Variants in PPIB observed in about 807,000 individuals in gnomAD.
PPIB encodes the protein peptidyl-prolyl cis-trans isomerase B.
Under a neutral mutation model 20.1 loss-of-function variants are expected in PPIB, and 15 were observed. That is an observed-to-expected ratio of 0.75 (90% CI 0.50 to 1.15). PPIB has a LOEUF of 1.15. Among genes scored for constraint, PPIB ranks in the 50% most tolerant of loss-of-function variants. The pLI, the probability that PPIB is intolerant of heterozygous loss-of-function variation, is 0.00. For missense variants in PPIB, 278 were observed against 283.0 expected, an observed-to-expected ratio of 0.98 and a Z score of 0.13; for synonymous variants, 129 against 111.0, an observed-to-expected ratio of 1.16 and a Z score of -1.02.
In PPIB at chr15:64,156,780, T is replaced by C; in HGVS notation, c.473A>G (p.Lys158Arg). ...NGSQFFITTV[K>R]TAWLDGKHVV... ...ATGCTTGCCATCTAGCCAGGCTGTC[T>C]TGACTGTCGTGATGAAGAACTGGGA... The change falls in exon 4 of 5, where the codon AAG becomes AGG. Residue 158 changes from lysine to arginine, a missense_variant. Physicochemically the swap from Lys to Arg is conservative, Grantham distance 26. Coordinates refer to ENST00000300026, the MANE Select transcript of PPIB (RefSeq NM_000942.5). The surrounding 1 kb of genome is among the most constrained non-coding windows in gnomAD (Gnocchi z 6.4). The C allele has an allele frequency of 6.2e-7, 1 of 1,614,218 alleles. No individual in the cohort carries two copies. Among genetic ancestry groups the C allele is most frequent in the Non-Finnish European group, 8.5e-7 (1 of 1,180,040 alleles).
At position 64,160,026 on chromosome 15, in the gene PPIB, G is replaced by A; in HGVS notation, c.343+78C>T. 2 of 1,259,628 alleles carry A rather than the reference G, an allele frequency of 1.6e-6. No homozygotes were observed. The highest frequency in any genetic ancestry group is 2.3e-6 in the Non-Finnish European group (2 of 858,330). 78.0% of individuals were successfully genotyped at this position (1,259,628 alleles called of 1,614,324 possible). On this transcript the variant is annotated intron_variant, in intron 3 of 4. Coordinates refer to ENST00000300026, the MANE Select transcript of PPIB (RefSeq NM_000942.5). The surrounding 1 kb of genome is among the most constrained non-coding windows in gnomAD (Gnocchi z 4.8). ...TAGAGCTGGGGAAGAAAGAGGCCTG[G>A]TCTCCCCAGCAGAACCTGGCCCTCC...
At position 64,156,188 on chromosome 15, in the gene PPIB, AG is replaced by A; in HGVS notation, c.529-44del. On this transcript the variant is annotated intron_variant, in intron 4 of 4. Transcript: ENST00000300026. This position sits in a 1 kb window ranked among gnomAD's most constrained non-coding sequence, Gnocchi z 6.4. ...AAGCAGGAGGGCATGGTGGATCAGG[AG>A]GTCCACCGCTCAGGAGAAAGGCCCC... 1 of 1,612,032 alleles carries A rather than the reference AG, an allele frequency of 6.2e-7. No homozygotes were observed. Among genetic ancestry groups the A allele is most frequent in the Non-Finnish European group, 8.5e-7 (1 of 1,179,034 alleles).
In PPIB at chr15:64,156,496, AGGCTCTGGCAGTTGTGCAGCCTTCCT is replaced by A. The variant is rs2081532699; in HGVS notation, c.528+203_528+228del. ...CGTCACTGAGTGAAGGAGGGGAGGG[AGGCTCTGGCAGTTGTGCAGCCTTCCT>A]GGCTGGGCTCTGAGGGGGCTGGAAG... is the stretch of plus-strand genomic sequence containing the variant. On this transcript the variant is annotated intron_variant, in intron 4 of 4. Transcript: ENST00000300026. The surrounding 1 kb of genome is among the most constrained non-coding windows in gnomAD (Gnocchi z 6.4). 3 of 639,860 alleles carry A rather than the reference AGGCTCTGGCAGTTGTGCAGCCTTCCT, an allele frequency of 4.7e-6. No individual in the cohort carries two copies. The Admixed American group carries it at 7.7e-5, about 16-fold the overall frequency. 39.6% of individuals were successfully genotyped at this position (639,860 alleles called of 1,614,324 possible).
Position 64,155,906 on chromosome 15 carries a change from T to C in PPIB, c.*117A>G. On this transcript the variant is annotated 3_prime_UTR_variant, in exon 5 of 5. Coordinates refer to ENST00000300026, the MANE Select transcript of PPIB (RefSeq NM_000942.5). ...AGTGAGTCCATGGGCCTGTGGAATGTGAGGGGAGTGGGTCCGCTCCACCAG... is the reference window on the plus strand; with the variant it reads ...AGTGAGTCCATGGGCCTGTGGAATGCGAGGGGAGTGGGTCCGCTCCACCAG... 1 of 1,491,908 alleles carries C rather than the reference T, an allele frequency of 6.7e-7. No homozygotes were observed. The highest frequency in any genetic ancestry group is 9.3e-7 in the Non-Finnish European group (1 of 1,078,478). The allele number at this position is 1,491,908 out of a possible 1,614,324, so 92.4% of individuals were successfully genotyped here. A position where few individuals can be genotyped will look rare whatever the true frequency, so the allele number is the denominator to read the frequency against.
chr15:64,158,774 T>G lies in PPIB; in HGVS notation c.343+1330A>C, dbSNP rs2081549095. On this transcript the variant is annotated intron_variant, in intron 3 of 4. Coordinates refer to ENST00000300026, the MANE Select transcript of PPIB (RefSeq NM_000942.5). This position sits in a 1 kb window ranked among gnomAD's most constrained non-coding sequence, Gnocchi z 4.7. Reference sequence around the variant, plus strand: ...CCTGCCTCTTTTCTGCCCGTTCAAATTCTCCTCATTGAGGACCCCACTGAA... The same window carrying G: ...CCTGCCTCTTTTCTGCCCGTTCAAAGTCTCCTCATTGAGGACCCCACTGAA... Among the ~76,000 whole-genome samples the G allele has an allele frequency of 6.6e-6, 1 of 152,242 alleles. No homozygotes were observed. Among genetic ancestry groups the G allele is most frequent in the African/African-American group, 2.4e-5 (1 of 41,464 alleles).
rs926838814 is a variant in PPIB, at chr15:64,161,320, C to A, written c.249+721G>T. Among the ~76,000 whole-genome samples the A allele has an allele frequency of 4.0e-5, 6 of 151,878 alleles. No homozygotes were observed. The highest frequency in any genetic ancestry group is 2.0e-4 in the Admixed American group (3 of 15,258). Reference sequence around the variant, plus strand: ...ACAGGGTCTCACTCTATTGCTCAGGCTGGAGTGCAGTGGCATGAACATGGC... The same window carrying A: ...ACAGGGTCTCACTCTATTGCTCAGGATGGAGTGCAGTGGCATGAACATGGC... On this transcript the variant is annotated intron_variant, in intron 2 of 4. Coordinates refer to ENST00000300026, the MANE Select transcript of PPIB (RefSeq NM_000942.5). The surrounding 1 kb of genome is among the most constrained non-coding windows in gnomAD (Gnocchi z 4.2).
rs1442457931 is a variant in PPIB, at chr15:64,156,986, G to A, written c.344-77C>T. The A allele has an allele frequency of 4.1e-6, 6 of 1,459,328 alleles. No individual in the cohort carries two copies. Among genetic ancestry groups the A allele is most frequent in the Non-Finnish European group, 2.8e-6 (3 of 1,052,774 alleles). 90.4% of individuals were successfully genotyped at this position (1,459,328 alleles called of 1,614,324 possible). A position where few individuals can be genotyped will look rare whatever the true frequency, so the allele number is the denominator to read the frequency against. On this transcript the variant is annotated intron_variant, in intron 3 of 4. Coordinates refer to ENST00000300026, the MANE Select transcript of PPIB (RefSeq NM_000942.5). The surrounding 1 kb of genome is among the most constrained non-coding windows in gnomAD (Gnocchi z 6.4). ...CAGACATTCGGGGCCAGGACTGAGG[G>A]GGCTTAACCTGTCCTCTGTGCCAGG...
At position 64,157,742 on chromosome 15, in the gene PPIB, G is replaced by A. The variant is rs1351712254; in HGVS notation, c.344-833C>T. Among the ~76,000 whole-genome samples the A allele has an allele frequency of 6.6e-6, 1 of 152,104 alleles. No homozygotes were observed. Among genetic ancestry groups the A allele is most frequent in the Non-Finnish European group, 1.5e-5 (1 of 68,020 alleles). On this transcript the variant is annotated intron_variant, in intron 3 of 4. Coordinates refer to ENST00000300026, the MANE Select transcript of PPIB (RefSeq NM_000942.5). This position sits in a 1 kb window ranked among gnomAD's most constrained non-coding sequence, Gnocchi z 4.2. ...GCAAAACTCTTTTTTCCTTCTCACTGCACCTACCTTCATCCTGTGGTTCCA... is the reference window on the plus strand; with the variant it reads ...GCAAAACTCTTTTTTCCTTCTCACTACACCTACCTTCATCCTGTGGTTCCA...
At position 64,161,947 on chromosome 15, in the gene PPIB, T is replaced by C; in HGVS notation, c.249+94A>G. ...AGTCGGTGCTCAGTGAGGTCCACGC[T>C]ACAGATCGGCTGAACTCTGCAGGTC... On this transcript the variant is annotated intron_variant, in intron 2 of 4. Transcript: ENST00000300026. The surrounding 1 kb of genome is among the most constrained non-coding windows in gnomAD (Gnocchi z 4.2). The C allele has an allele frequency of 2.2e-6, 2 of 905,366 alleles. No homozygotes were observed. The highest frequency in any genetic ancestry group is 3.7e-6 in the Non-Finnish European group (2 of 535,740). The allele number at this position is 905,366 out of a possible 1,614,324, so 56.1% of individuals were successfully genotyped here.
rs2081564048 is a variant in PPIB at position 64,161,622 on chromosome 15, G to A, written c.249+419C>T. ...TGCCTGTAATCCCAGCTACTCAGGAGGCTGAGGCAGGAGAATCACTTAAAC... is the reference window on the plus strand; with the variant it reads ...TGCCTGTAATCCCAGCTACTCAGGAAGCTGAGGCAGGAGAATCACTTAAAC... On this transcript the variant is annotated intron_variant, in intron 2 of 4. Transcript: ENST00000300026. This position sits in a 1 kb window ranked among gnomAD's most constrained non-coding sequence, Gnocchi z 4.2. Among the ~76,000 whole-genome samples the A allele has an allele frequency of 6.6e-6, 1 of 152,008 alleles. No individual in the cohort carries two copies. The highest frequency in any genetic ancestry group is 2.1e-4 in the South Asian group (1 of 4,822).
chr15:64,156,554 G>C lies in PPIB; in HGVS notation c.528+171C>G. On this transcript the variant is annotated intron_variant, in intron 4 of 4. Transcript: ENST00000300026. The surrounding 1 kb of genome is among the most constrained non-coding windows in gnomAD (Gnocchi z 6.4). ...GCTCTGAGGGGGCTGGAAGAATTTA[G>C]AACCTTGGAGGCATGGAGGTACAGG... 1 of 860,428 alleles carries C rather than the reference G, an allele frequency of 1.2e-6. No homozygotes were observed. Among genetic ancestry groups the C allele is most frequent in the Non-Finnish European group, 1.9e-6 (1 of 522,058 alleles). 53.3% of individuals were successfully genotyped at this position (860,428 alleles called of 1,614,324 possible).
chr15:64,161,724 TC>T lies in PPIB; in HGVS notation c.249+316del, dbSNP rs1322826021. 3.4e-5 allele frequency among the ~76,000 whole-genome samples: 5 copies of T among 144,968 alleles called. No homozygotes were observed. Among genetic ancestry groups the T allele is most frequent in the African/African-American group, 1.2e-4 (5 of 40,050 alleles). On this transcript the variant is annotated intron_variant, in intron 2 of 4. Transcript: ENST00000300026. This position sits in a 1 kb window ranked among gnomAD's most constrained non-coding sequence, Gnocchi z 4.2. Reference sequence around the variant, plus strand: ...CAGGCGACAAGAGTGAAACTCCGTCTCAAAAAAAAAAAAAAATTTGCGGGGG... The same window carrying T: ...CAGGCGACAAGAGTGAAACTCCGTCTAAAAAAAAAAAAAAATTTGCGGGGG...
Position 64,156,560 on chromosome 15 carries a change from T to C in PPIB, c.528+165A>G. The C allele has an allele frequency of 1.1e-6, 1 of 891,262 alleles. No homozygotes were observed. The highest frequency in any genetic ancestry group is 1.8e-5 in the Admixed American group (1 of 55,778). 55.2% of individuals were successfully genotyped at this position (891,262 alleles called of 1,614,324 possible). A position where few individuals can be genotyped will look rare whatever the true frequency, so the allele number is the denominator to read the frequency against. On this transcript the variant is annotated intron_variant, in intron 4 of 4. Transcript: ENST00000300026. The surrounding 1 kb of genome is among the most constrained non-coding windows in gnomAD (Gnocchi z 6.4). ...AGGGGGCTGGAAGAATTTAGAACCT[T>C]GGAGGCATGGAGGTACAGGGTTTAT...
rs568054483 is a variant in PPIB at position 64,162,954 on chromosome 15, C to T, written c.33G>A (p.Val11=). The T allele has an allele frequency of 2.5e-6, 4 of 1,613,566 alleles. No homozygotes were observed. Among genetic ancestry groups the T allele is most frequent in the East Asian group, 2.2e-5 (1 of 44,872 alleles). The change falls in exon 1 of 5, where the codon GTG becomes GTA. Residue 11 remains valine (V), a synonymous_variant. Coordinates refer to ENST00000300026, the MANE Select transcript of PPIB (RefSeq NM_000942.5). The stretch of plus-strand genomic sequence containing the variant: ...CCGCGATGAGGGCGGCGGCAAGGAG[C>T]ACCTTCATGTTGCGTTCGGAGAGGC... MLRLSERNMK[V]LLAAALIAGS...
In PPIB at chr15:64,160,332, A is replaced by G. The variant is rs1412115115; in HGVS notation, c.250-135T>C. On this transcript the variant is annotated intron_variant, in intron 2 of 4. Transcript: ENST00000300026. This position sits in a 1 kb window ranked among gnomAD's most constrained non-coding sequence, Gnocchi z 4.8. ...CCACTGCTGACCACTTTCACTGTTC[A>G]GTGTGCTACTAAGTGAGCGGGCAGG... 5 of 758,066 alleles carry G rather than the reference A, an allele frequency of 6.6e-6. No individual in the cohort carries two copies. Among genetic ancestry groups the G allele is most frequent in the Admixed American group, 6.0e-5 (3 of 50,152 alleles). The allele number at this position is 758,066 out of a possible 1,614,324, so 47.0% of individuals were successfully genotyped here.
Position 64,159,324 on chromosome 15 carries a change from G to C in PPIB, c.343+780C>G, listed in dbSNP as rs900790577. On this transcript the variant is annotated intron_variant, in intron 3 of 4. Coordinates refer to ENST00000300026, the MANE Select transcript of PPIB (RefSeq NM_000942.5). This position sits in a 1 kb window ranked among gnomAD's most constrained non-coding sequence, Gnocchi z 5.1. ...GGGTCTTTCTGTCCTATGTGTGCAA[G>C]TTAATGCCAAGGTGAGGGTCGGCCC... 6.5e-6 allele frequency: 1 copy of C among 152,992 alleles called. No homozygotes were observed. Among genetic ancestry groups the C allele is most frequent in the Non-Finnish European group, 1.5e-5 (1 of 68,700 alleles). The allele number at this position is 152,992 out of a possible 1,614,324, so 9.5% of individuals were successfully genotyped here.
Position 64,156,462 on chromosome 15 carries a change from G to C in PPIB, c.528+263C>G. The C allele has an allele frequency of 1.6e-6, 1 of 617,620 alleles. No individual in the cohort carries two copies. 38.3% of individuals were successfully genotyped at this position (617,620 alleles called of 1,614,324 possible). ...CTGCACTCTGTATACCTCAGGGGTG[G>C]GACCAGCACGTCACTGAGTGAAGGA... On this transcript the variant is annotated intron_variant, in intron 4 of 4. Coordinates refer to ENST00000300026, the MANE Select transcript of PPIB (RefSeq NM_000942.5). The surrounding 1 kb of genome is among the most constrained non-coding windows in gnomAD (Gnocchi z 6.4).
Position 64,160,124 on chromosome 15 carries a change from G to GTGAA in PPIB, c.319_322dup (p.Thr108IlefsTer15). The GTGAA allele has an allele frequency of 6.2e-7, 1 of 1,613,850 alleles. No individual in the cohort carries two copies. Among genetic ancestry groups the GTGAA allele is most frequent in the Non-Finnish European group, 8.5e-7 (1 of 1,179,730 alleles). ...GTTACCTCCTGTGCCATCTCCCCTG[G>GTGAA]TGAAGTCTCCGCCCTGGATCATGAA... is the stretch of plus-strand genomic sequence containing the variant. On this transcript the variant is annotated frameshift_variant, in exon 3 of 5. Coordinates refer to ENST00000300026, the MANE Select transcript of PPIB (RefSeq NM_000942.5). LOFTEE classifies it high-confidence loss of function. This position sits in a 1 kb window ranked among gnomAD's most constrained non-coding sequence, Gnocchi z 4.8.
chr15:64,163,021 AGGCCGGAAGAGGGTGG>A (rs1458409076), exon 1 of PPIB: 3 of 1,492,242 alleles, frequency 2.0e-6, no homozygotes, highest in Admixed American at 5.4e-5. Flanking sequence ...CGGACAGCTG[AGGCCGGAAGAGGGTGG>A]GGCCGCGGTG....
Sources: gnomAD v4.1 joint callset for allele counts (sites outside exome capture counted in the v4.1 genomes callset) on GRCh38, gnomAD v4.1.1 for gene constraint, Gnocchi (gnomAD v3.1) non-coding constraint, MANE v1.5 for transcripts, NCBI Gene and HGNC (gene_info 2026-07-23, HGNC 2026-07-21) for gene names.